UBA1: variants seen among roughly 807,000 people sequenced by gnomAD.
UBA1 encodes ubiquitin-like modifier-activating enzyme 1.
In UBA1, 4 loss-of-function variants were observed where a neutral mutation model predicts 84.7. The ratio of observed to expected loss-of-function variants is 0.05; its 90% CI spans 0.02 to 0.11. The LOEUF (loss-of-function observed/expected upper bound fraction) is 0.11, where lower values mean the gene tolerates loss of function less well. Ranked by LOEUF, UBA1 falls within the 10% of genes least tolerant of loss-of-function variation. The probability of loss-of-function intolerance (pLI) is 1.00; values close to 1 mark genes in which losing one functional copy is unlikely to be tolerated. For missense variants in UBA1, 513 were observed against 902.8 expected, an observed-to-expected ratio of 0.57 and a Z score of 5.53; for synonymous variants, 364 against 362.6, an observed-to-expected ratio of 1.00 and a Z score of -0.04.
At position 47,212,762 on chromosome X, in the gene UBA1, T is replaced by C; in HGVS notation, c.2554-9T>C. The C allele has an allele frequency of 8.3e-7, 1 of 1,207,365 alleles. No homozygotes were observed. Among genetic ancestry groups the C allele is most frequent in the Non-Finnish European group, 1.1e-6 (1 of 892,024 alleles). ...CCCACTGCCTTCACACCCTCCCCACTCATAACAGGATGATGACAGCAACTT... is the reference window on the plus strand; with the variant it reads ...CCCACTGCCTTCACACCCTCCCCACCCATAACAGGATGATGACAGCAACTT... On this transcript the variant is annotated splice_polypyrimidine_tract_variant and intron_variant, in intron 21 of 25. Transcript: ENST00000335972.
chrX:47,214,610 C>T lies in UBA1; in HGVS notation c.3014C>T (p.Ala1005Val), dbSNP rs1556794660. Reference protein sequence around the residue: ...SMLYSFFMPAAKLKERLDQPM... With the variant: ...SMLYSFFMPAVKLKERLDQPM... The stretch of plus-strand genomic sequence containing the variant: ...CTCTATTCCTTCTTCATGCCAGCTG[C>T]CAAGCTCAAGGAACGGTTGGATCAG... The change falls in exon 25 of 26, where the codon GCC (alanine) becomes GTC (valine). Residue 1005 changes from alanine to valine, a missense_variant. By Grantham distance (64) the Ala-to-Val change is moderately conservative (BLOSUM62 0). Transcript: ENST00000335972. 8.3e-7 allele frequency: 1 copy of T among 1,210,801 alleles called. No homozygotes were observed. Among genetic ancestry groups the T allele is most frequent in the Non-Finnish European group, 1.1e-6 (1 of 895,004 alleles).
At chrX:47,201,059 GGCCAAGACTCTAGGCTCTCCCT>G in intron 6 of UBA1, 59 bp downstream of exon 6, 2 of 1,040,621 alleles carry the variant, frequency 1.9e-6, no homozygotes, top group Non-Finnish European at 2.6e-6. Context: ...ACCAAGCCCA[GGCCAAGACTCTAGGCTCTCCCT>G]GCCCTCATCC....
In UBA1 at chrX:47,214,826, G is replaced by A. The variant is rs147211127; in HGVS notation, c.3074G>A (p.Arg1025Gln). ...MTEIVSRVSKRKLGRHVRALV... is the reference protein window; with the variant it reads ...MTEIVSRVSKQKLGRHVRALV... The stretch of plus-strand genomic sequence containing the variant: ...GAGATTGTGAGCCGTGTGTCGAAGC[G>A]AAAGCTGGGCCGCCACGTGCGGGCG... Residue 1025 changes from arginine (R) to glutamine (Q), a missense_variant, in exon 26 of 26, where the codon CGA becomes CAA. Arg to Gln is a conservative substitution (Grantham distance 43). This residue lies in a region of UBA1 where 151 missense variants were observed against 260.1 expected (regional missense o/e 0.58). Transcript: ENST00000335972. 3 of 1,211,721 alleles carry A rather than the reference G, an allele frequency of 2.5e-6. No homozygotes were observed. The highest frequency in any genetic ancestry group is 1.8e-5 in the South Asian group (1 of 57,028).
At chrX:47,194,296 TGA>T (rs1936121807) in intron 1 of UBA1, among the ~76,000 whole-genome samples, 1 of 112,273 alleles carries the variant, frequency 8.9e-6, no homozygotes. Flanking sequence ...GTCTGGGACC[TGA>T]CTCCGTCCCG....
At chrX:47,205,759 T>G in intron 14 of UBA1, 189 bp from the exon 15 acceptor site, 2 of 494,556 alleles carry the variant, frequency 4.0e-6, no homozygotes, top group South Asian at 6.1e-5. Context: ...GAGGCTGAGG[T>G]GGGAGGATCG....
chrX:47,212,679 G>A (rs782437689), intron 21 of UBA1, 92 bp from the exon 22 acceptor site: 531 of 916,651 alleles, frequency 5.8e-4, no homozygotes, highest in Non-Finnish European at 7.9e-4. Flanking sequence ...TTGTGATCTG[G>A]GAGAGTCCAG....
intron 21 of UBA1, 85 bp downstream of exon 21, chrX:47,212,597 C>A (rs958027686): frequency 6.2e-6 from 6 of 962,873 alleles, no homozygotes; most frequent in East Asian, 3.2e-5. Context: ...GAGCCAGCCC[C>A]GGGCCTTTGT....
upstream of UBA1, chrX:47,191,001 G>A (rs1936055083): frequency 8.9e-6 from 1 of 112,562 alleles, no homozygotes; most frequent in Admixed American, 9.3e-5. Context: ...TTGGAGGAGG[G>A]TGCTTCCCTA....
At chrX:47,195,464 T>G (rs1936173085) in intron 1 of UBA1, among the ~76,000 whole-genome samples, 2 of 111,115 alleles carry the variant, frequency 1.8e-5, no homozygotes, top group African/African-American at 6.6e-5. Flanking sequence ...TTGCCCAGGC[T>G]GGTCTCGAAC....
chrX:47,199,498 G>A lies in UBA1; in HGVS notation c.364G>A (p.Asp122Asn), dbSNP rs1047401967. The change falls in exon 5 of 26, where the codon GAC becomes AAC. Residue 122 changes from aspartate (D) to asparagine (N), a missense_variant. Physicochemically the swap from Asp to Asn is conservative, Grantham distance 23 (BLOSUM62 1). Around this residue, in one of 6 missense-constraint regions of UBA1, gnomAD observed 227 missense variants for 339.1 expected, o/e 0.67. Transcript: ENST00000335972. Reference sequence around the variant, plus strand: ...CTTACAGTTCTACCTGCGGGAGGAGGACATCGGTAAAAACCGGGCCGAGGT... The same window carrying A: ...CTTACAGTTCTACCTGCGGGAGGAGAACATCGGTAAAAACCGGGCCGAGGT... Reference protein sequence around the residue: ...LSSQFYLREEDIGKNRAEVSQ... With the variant: ...LSSQFYLREENIGKNRAEVSQ... 1 of 1,211,810 alleles carries A rather than the reference G, an allele frequency of 8.3e-7. No homozygotes were observed. The highest frequency in any genetic ancestry group is 1.1e-6 in the Non-Finnish European group (1 of 895,549).
chrX:47,197,887 C>G, intron 1 of UBA1: 1 of 702,206 alleles, frequency 1.4e-6, no homozygotes, highest in Non-Finnish European at 1.7e-6. Flanking sequence ...GATAGCAGTC[C>G]AAACCCCACA....
At chrX:47,203,747 CTTTT>C (rs781978873) in intron 14 of UBA1, 51 bp downstream of exon 14, 150 of 840,846 alleles carry the variant, frequency 1.8e-4, no homozygotes, top group Non-Finnish European at 1.9e-4. Context: ...CCTCCTTTTT[CTTTT>C]TTTTTTTTTT....
chrX:47,212,382 C>T, intron 20 of UBA1, 42 bp from the exon 21 acceptor site: 2 of 1,025,805 alleles, frequency 1.9e-6, no homozygotes, highest in Non-Finnish European at 1.4e-6. Context: ...CAGACCTTAG[C>T]CTGGGATCTA....
intron 8 of UBA1, 130 bp from the exon 9 acceptor site, chrX:47,202,026 G>C: frequency 3.5e-6 from 2 of 574,039 alleles, no homozygotes; most frequent in South Asian, 4.9e-5. Flanking sequence ...TGTCCAAGTG[G>C]AGCCTGGAGC....
intron 14 of UBA1, chrX:47,204,912 A>G (rs1292358506): frequency 8.9e-6 from 1 of 112,755 alleles, no homozygotes; most frequent in Admixed American, 9.4e-5. Flanking sequence ...ATACCAAGGA[A>G]TAAAACAAGA....
Position 47,202,163 on chromosome X carries a change from T to G in UBA1, c.819T>G (p.Tyr273Ter). 1 of 1,208,698 alleles carries G rather than the reference T, an allele frequency of 8.3e-7. No homozygotes were observed. The highest frequency in any genetic ancestry group is 1.1e-6 in the Non-Finnish European group (1 of 893,313). Residue 273 changes from tyrosine to a stop codon, truncating the protein, a stop_gained, in exon 9 of 26, where the codon TAT becomes TAG. Transcript: ENST00000335972. LOFTEE classifies it high-confidence loss of function. ...TCTTCCTGCCCTCTGTAGGTCCTTA[T>G]ACCTTTAGCATCTGTGACACCTCCA... Reference protein sequence around the residue: ...QPMEIKVLGPYTFSICDTSNF... With the variant: ...QPMEIKVLGP
intron 18 of UBA1, 147 bp from the exon 19 acceptor site, chrX:47,210,695 G>C: frequency 1.8e-6 from 1 of 553,047 alleles, no homozygotes; most frequent in Non-Finnish European, 3.1e-6. Context: ...TACAGTTGAG[G>C]TATTTTGTGA....
At chrX:47,194,970 C>T (rs1936149351) in intron 1 of UBA1, among the ~76,000 whole-genome samples, 1 of 111,803 alleles carries the variant, frequency 8.9e-6, no homozygotes, top group African/African-American at 3.3e-5. Flanking sequence ...CGAGCATCTG[C>T]TCTTGCAGAT....
Position 47,214,576 on chromosome X carries a change from G to A in UBA1, c.2980G>A (p.Val994Met), listed in dbSNP as rs781984124. The change falls in exon 25 of 26, where the codon GTG (valine) becomes ATG (methionine). Residue 994 changes from valine (V) to methionine (M), a missense_variant. Physicochemically the swap from Val to Met is conservative, Grantham distance 21 (BLOSUM62 1). Transcript: ENST00000335972. ...AGAGATCACCATGCTGTCCCAGGGC[G>A]TGTCCATGCTCTATTCCTTCTTCAT... ...KLEITMLSQG[V>M]SMLYSFFMPA... is the part of the protein sequence containing the mutation. 1.7e-6 allele frequency: 2 copies of A among 1,211,109 alleles called. No homozygotes were observed. Among genetic ancestry groups the A allele is most frequent in the Non-Finnish European group, 2.2e-6 (2 of 895,225 alleles).
Sources: gnomAD v4.1 joint callset for allele counts (sites outside exome capture counted in the v4.1 genomes callset) on GRCh38, gnomAD v4.1.1 for gene constraint, gnomAD v4.1.1 regional missense constraint, MANE v1.5 for transcripts, NCBI Gene and HGNC (gene_info 2026-07-23, HGNC 2026-07-21) for gene names.